The following KCNJ6 variants were observed in gnomAD, a reference collection of about 807,000 sequenced individuals.
The protein encoded by KCNJ6 is potassium inwardly rectifying channel subfamily J member 6.
KCNJ6 carries 9 observed loss-of-function variants against 34.2 expected under a neutral mutation model. That is an observed-to-expected ratio of 0.26 (90% CI 0.16 to 0.46). The LOEUF (loss-of-function observed/expected upper bound fraction) is 0.46. Among genes scored for constraint, KCNJ6 ranks in the 20% least tolerant of loss-of-function variants. The pLI, the probability that KCNJ6 is intolerant of heterozygous loss-of-function variation, is 1.00. For synonymous variants in KCNJ6, 196 were observed against 207.1 expected, an observed-to-expected ratio of 0.95 and a Z score of 0.46; for missense variants, 236 against 531.3, an observed-to-expected ratio of 0.44 and a Z score of 5.46.
intron 1 of KCNJ6, among the ~76,000 whole-genome samples, chr21:37,852,284 T>C (rs900517762): frequency 2.2e-4 from 34 of 152,144 alleles, no homozygotes; most frequent in African/African-American, 7.5e-4. Context: ...TCCACACGGT[T>C]CTGGTAATAA....
intron 3 of KCNJ6, among the ~76,000 whole-genome samples, chr21:37,707,733 G>GTGTGTGTGTATA (rs1237113944): frequency 6.7e-5 from 10 of 149,896 alleles, no homozygotes; most frequent in South Asian, 2.1e-4. Flanking sequence ...ATGTGTGTGT[G>GTGTGTGTGTATA]TGAATAATTT....
At chr21:37,886,451 T>C (rs2055735829) in intron 1 of KCNJ6, among the ~76,000 whole-genome samples, 1 of 152,210 alleles carries the variant, frequency 6.6e-6, no homozygotes, top group Non-Finnish European at 1.5e-5. Context: ...GGTTTGGGGA[T>C]GGATCATCCT....
At chr21:37,703,832 A>G (rs2054704562) in intron 3 of KCNJ6, among the ~76,000 whole-genome samples, 1 of 110 alleles carries the variant, frequency 9.1e-3, no homozygotes, top group Admixed American at 0.17. Flanking sequence ...CCTGGCTGGC[A>G]CAGGGAACTC....
rs535698496 is a variant in KCNJ6 at position 37,714,107 on chromosome 21, T to C, written c.946+104A>G. On this transcript the variant is annotated intron_variant, in intron 3 of 3. Coordinates refer to ENST00000609713, the MANE Select transcript of KCNJ6 (RefSeq NM_002240.5). The surrounding 1 kb of genome is among the most constrained non-coding windows in gnomAD (Gnocchi z 5.9). ...TGAAGCAAGGGGATGTTGTCAATAT[T>C]GAGTGAGGTTCAGTATTCTAGATCT... 2.4e-6 allele frequency: 2 copies of C among 818,706 alleles called. No homozygotes were observed. The highest frequency in any genetic ancestry group is 4.4e-5 in the Admixed American group (2 of 45,050). 50.7% of individuals were successfully genotyped at this position (818,706 alleles called of 1,614,324 possible). A position where few individuals can be genotyped will look rare whatever the true frequency, so the allele number is the denominator to read the frequency against.
In KCNJ6 at chr21:37,730,961, G is replaced by A. The variant is rs536469179; in HGVS notation, c.26-15830C>T. Among the ~76,000 whole-genome samples, 14 of 152,330 alleles carry A rather than the reference G, an allele frequency of 9.2e-5. 1 individual carries two copies. Among genetic ancestry groups the A allele is most frequent in the African/African-American group, 3.4e-4 (14 of 41,580 alleles). ...GACCCGTCTTACAGATGAGGCAGTG[G>A]AGGTGCATAAGGTTCAGTCACTTGC... On this transcript the variant is annotated intron_variant, in intron 2 of 3. Coordinates refer to ENST00000609713, the MANE Select transcript of KCNJ6 (RefSeq NM_002240.5).
At position 37,714,515 on chromosome 21, in the gene KCNJ6, C is replaced by G; in HGVS notation, c.642G>C (p.Arg214=). 1 of 1,614,138 alleles carries G rather than the reference C, an allele frequency of 6.2e-7. No individual in the cohort carries two copies. The highest frequency in any genetic ancestry group is 1.3e-5 in the African/African-American group (1 of 75,032). ...VFSTHAVISM[R]DGKLCLMFRV... Reference sequence around the variant, plus strand: ...GGAACATCAGGCACAGTTTCCCATCCCGCATGGAGATCACTGCATGGGTGG... The same window carrying G: ...GGAACATCAGGCACAGTTTCCCATCGCGCATGGAGATCACTGCATGGGTGG... Residue 214 remains arginine, a synonymous_variant, in exon 3 of 4, where the codon CGG becomes CGC. Coordinates refer to ENST00000609713, the MANE Select transcript of KCNJ6 (RefSeq NM_002240.5). This position sits in a 1 kb window ranked among gnomAD's most constrained non-coding sequence, Gnocchi z 5.9.
At position 37,674,407 on chromosome 21, in the gene KCNJ6, G is replaced by A. The variant is rs950731314; in HGVS notation, c.946+39804C>T. ...TGTAATGTCATGCCACTCTTTGCTC[G>A]ACACCCTCCAGGGCTCCCCTCTCAG... is the stretch of plus-strand genomic sequence containing the variant. On this transcript the variant is annotated intron_variant, in intron 3 of 3. Coordinates refer to ENST00000609713, the MANE Select transcript of KCNJ6 (RefSeq NM_002240.5). Among the ~76,000 whole-genome samples, 80 of 151,928 alleles carry A rather than the reference G, an allele frequency of 5.3e-4. 1 individual carries two copies. The highest frequency in any genetic ancestry group is 1.8e-3 in the African/African-American group (73 of 41,324).
chr21:37,698,504 G>A (rs990297474), intron 3 of KCNJ6, among the ~76,000 whole-genome samples: 2 of 152,188 alleles, frequency 1.3e-5, no homozygotes, highest in African/African-American at 2.4e-5. Context: ...GTTTTTATGT[G>A]AGGAAAGAAT....
At position 37,625,390 on chromosome 21, in the gene KCNJ6, G is replaced by A. The variant is rs1026217211; in HGVS notation, c.1041C>T (p.Tyr347=). 46 of 1,613,976 alleles carry A rather than the reference G, an allele frequency of 2.9e-5. No homozygotes were observed. Among genetic ancestry groups the A allele is most frequent in the African/African-American group, 8.0e-5 (6 of 74,932 alleles). Reference sequence around the variant, plus strand: ...CATGGAAGCTGTTGTAGTCAACTTCGTAGAACCCGTCCTCCAGGGTCAGGA... The same window carrying A: ...CATGGAAGCTGTTGTAGTCAACTTCATAGAACCCGTCCTCCAGGGTCAGGA... ...TPVLTLEDGF[Y]EVDYNSFHET... is the part of the protein sequence containing the mutation. Residue 347 remains tyrosine, a synonymous_variant, in exon 4 of 4, where the codon TAC becomes TAT. Transcript: ENST00000609713.
intron 2 of KCNJ6, among the ~76,000 whole-genome samples, chr21:37,778,204 G>C (rs996621049): frequency 1.3e-5 from 2 of 152,184 alleles, no homozygotes; most frequent in African/African-American, 2.4e-5. Flanking sequence ...ACTAGGGTAT[G>C]ATTCTGTCCT....
chr21:37,728,406 G>C (rs1451364522), intron 2 of KCNJ6, among the ~76,000 whole-genome samples: 1 of 152,236 alleles, frequency 6.6e-6, no homozygotes, highest in Admixed American at 6.5e-5. Flanking sequence ...TATCATTGAA[G>C]TGTGCGCTTT....
rs567243931 is a variant in KCNJ6 at position 37,651,797 on chromosome 21, G to T, written c.947-26313C>A. ...CCAGGCTCTAAGAGGAGCTGTCAAA[G>T]GATGGTTGGATAAAGTCTTCTGGAA... On this transcript the variant is annotated intron_variant, in intron 3 of 3. Transcript: ENST00000609713. Among the ~76,000 whole-genome samples the T allele has an allele frequency of 3.9e-5, 6 of 152,284 alleles. No homozygotes were observed. The East Asian group carries it at 1.2e-3, about 29-fold the overall frequency.
chr21:37,827,525 G>GTTT (rs141210365), intron 2 of KCNJ6, among the ~76,000 whole-genome samples: 22 of 148,834 alleles, frequency 1.5e-4, no homozygotes, highest in Non-Finnish European at 2.8e-4. Context: ...TAACCCTTGG[G>GTTT]TTTTTTTTTT....
chr21:37,721,006 C>T (rs945397983), intron 2 of KCNJ6, among the ~76,000 whole-genome samples: 8 of 152,176 alleles, frequency 5.3e-5, no homozygotes, highest in East Asian at 1.9e-4. Context: ...CGCGCCCGGC[C>T]GAGAAAACAT....
chr21:37,650,404 C>A (rs2054427662), intron 3 of KCNJ6, among the ~76,000 whole-genome samples: 1 of 152,152 alleles, frequency 6.6e-6, no homozygotes, highest in Non-Finnish European at 1.5e-5. Context: ...ATAATAATAC[C>A]TCCAGGTTGT....
intron 3 of KCNJ6, among the ~76,000 whole-genome samples, chr21:37,702,325 G>A (rs112372933): frequency 0.016 from 2,428 of 151,036 alleles, 45 homozygotes; most frequent in East Asian, 0.048. Context: ...TGAACGTCAC[G>A]GCCTCCACAT....
chr21:37,860,578 G>A (rs567331070), intron 1 of KCNJ6, among the ~76,000 whole-genome samples: 2 of 152,152 alleles, frequency 1.3e-5, no homozygotes, highest in Non-Finnish European at 2.9e-5. Context: ...TGGAGTTCCT[G>A]CAGGATCTGT....
intron 1 of KCNJ6, among the ~76,000 whole-genome samples, chr21:37,881,291 T>C (rs2055706612): frequency 6.6e-6 from 1 of 152,156 alleles, no homozygotes; most frequent in Admixed American, 6.5e-5. Flanking sequence ...CGGGCTACCA[T>C]AACAAAATAC....
At chr21:37,797,493 G>C (rs530068941) in intron 2 of KCNJ6, among the ~76,000 whole-genome samples, 139 of 152,306 alleles carry the variant, frequency 9.1e-4, no homozygotes, top group Admixed American at 5.2e-4. Flanking sequence ...CCAAGTTTTA[G>C]AGTCTATCTT....
Sources: gnomAD v4.1 joint callset for allele counts (sites outside exome capture counted in the v4.1 genomes callset) on GRCh38, gnomAD v4.1.1 for gene constraint, Gnocchi (gnomAD v3.1) non-coding constraint, MANE v1.5 for transcripts, NCBI Gene and HGNC (gene_info 2026-07-23, HGNC 2026-07-21) for gene names.